Variants in CNTNAP2 observed in about 807,000 individuals in gnomAD.
CNTNAP2 encodes contactin-associated protein-like 2.
A neutral mutation model predicts 155.2 loss-of-function variants in CNTNAP2; 98 were observed. The ratio of observed to expected loss-of-function variants is 0.63; its 90% CI spans 0.54 to 0.75. The LOEUF is 0.75. CNTNAP2 is among the 30% of genes least tolerant of loss of function. The pLI, the probability that CNTNAP2 is intolerant of heterozygous loss-of-function variation, is 0.00. For synonymous variants in CNTNAP2, 651 were observed against 631.2 expected (o/e 1.03, Z -0.47); for missense variants, 1,727 against 1,688.1 (o/e 1.02, Z -0.40).
intron 2 of CNTNAP2, among the ~76,000 whole-genome samples, chr7:146,777,274 C>G (rs1249303845): frequency 6.6e-6 from 1 of 152,212 alleles, no homozygotes; most frequent in African/African-American, 2.4e-5. Flanking sequence ...TTTTTGGCTT[C>G]TAAAGACTGC....
At chr7:147,757,788 GTAAACAATCAAAAGC>G (rs1279405212) in intron 13 of CNTNAP2, among the ~76,000 whole-genome samples, 1 of 152,004 alleles carries the variant, frequency 6.6e-6, no homozygotes, top group Admixed American at 6.5e-5. Flanking sequence ...GTCACATATT[GTAAACAATCAAAAGC>G]TAACTTATGA....
At chr7:147,511,776 G>A (rs1263344312) in intron 11 of CNTNAP2, among the ~76,000 whole-genome samples, 1 of 152,054 alleles carries the variant, frequency 6.6e-6, no homozygotes, top group Non-Finnish European at 1.5e-5. Flanking sequence ...CACTATAGTA[G>A]CCACCAGAGA....
chr7:148,340,092 C>A (rs1201747480), intron 21 of CNTNAP2, among the ~76,000 whole-genome samples: 1 of 151,840 alleles, frequency 6.6e-6, no homozygotes, highest in African/African-American at 2.4e-5. Flanking sequence ...TCTTAATATT[C>A]TGGCATGCTA....
At chr7:146,631,798 C>G (rs1485129317) in intron 1 of CNTNAP2, among the ~76,000 whole-genome samples, 1 of 152,128 alleles carries the variant, frequency 6.6e-6, no homozygotes, top group African/African-American at 2.4e-5. Context: ...CTCTCACTTA[C>G]ATACAAACTC....
chr7:146,664,038 T>C (rs545681356), intron 1 of CNTNAP2, among the ~76,000 whole-genome samples: 1 of 152,262 alleles, frequency 6.6e-6, no homozygotes, highest in Admixed American at 6.5e-5. Flanking sequence ...AGTTCTTTTC[T>C]ATTACCAGTT....
chr7:147,501,280 T>C (rs117628449), intron 11 of CNTNAP2, among the ~76,000 whole-genome samples: 51 of 151,792 alleles, frequency 3.4e-4, no homozygotes, highest in African/African-American at 1.2e-3. Context: ...ATCATCATCC[T>C]CAATGGTGAA....
intron 2 of CNTNAP2, among the ~76,000 whole-genome samples, chr7:146,801,658 G>A (rs1396650088): frequency 1.3e-5 from 2 of 152,254 alleles, no homozygotes; most frequent in Admixed American, 6.5e-5. Context: ...AAGAACTGAG[G>A]CATGACACTC....
At chr7:147,756,449 CA>C (rs1416719961) in intron 13 of CNTNAP2, among the ~76,000 whole-genome samples, 1 of 152,118 alleles carries the variant, frequency 6.6e-6, no homozygotes, top group Non-Finnish European at 1.5e-5. Context: ...GTCACACAGA[CA>C]GTAGCAGAAA....
At chr7:147,531,129 C>T (rs558784227) in intron 11 of CNTNAP2, among the ~76,000 whole-genome samples, 13 of 152,284 alleles carry the variant, frequency 8.5e-5, no homozygotes, top group Non-Finnish European at 1.5e-4. Flanking sequence ...TATGGCTTTA[C>T]AGGGTACAGC....
chr7:148,047,346 C>T lies in CNTNAP2; in HGVS notation c.2383+69357C>T, dbSNP rs149881533. Among the ~76,000 whole-genome samples the T allele has an allele frequency of 4.8e-3, 732 of 152,260 alleles. 5 individuals carry two copies. Among genetic ancestry groups the T allele is most frequent in the African/African-American group, 0.017 (701 of 41,542 alleles). On this transcript the variant is annotated intron_variant, in intron 15 of 23. Coordinates refer to ENST00000361727, the MANE Select transcript of CNTNAP2 (RefSeq NM_014141.6). Reference sequence around the variant, plus strand: ...TTTTATGCATGTTTCTGCTTTAAGACATCTTACTTAACATATGTTTTTGAT... The same window carrying T: ...TTTTATGCATGTTTCTGCTTTAAGATATCTTACTTAACATATGTTTTTGAT...
intron 1 of CNTNAP2, among the ~76,000 whole-genome samples, chr7:146,171,398 G>A (rs879381123): frequency 5.9e-5 from 9 of 152,002 alleles, no homozygotes; most frequent in Non-Finnish European, 1.2e-4. Flanking sequence ...GCACCAAAAT[G>A]AATCACATAT....
intron 1 of CNTNAP2, among the ~76,000 whole-genome samples, chr7:146,151,691 T>C (rs1397053900): frequency 2.5e-5 from 1 of 39,304 alleles, no homozygotes; most frequent in Non-Finnish European, 5.0e-5. Context: ...TGTATATATA[T>C]ATATATGTAT....
chr7:147,515,609 C>T (rs1436528629), intron 11 of CNTNAP2, among the ~76,000 whole-genome samples: 1 of 152,162 alleles, frequency 6.6e-6, no homozygotes, highest in Non-Finnish European at 1.5e-5. Context: ...GCGTGAACCA[C>T]TGTATGCAGC....
chr7:147,316,802 G>C lies in CNTNAP2; in HGVS notation c.1498+16512G>C, dbSNP rs370803408. ...CAGCAGAAAGATGCTAAAAGATACTGTGGCAAGTCTATAAAATGGAGTATT... is the reference window on the plus strand; with the variant it reads ...CAGCAGAAAGATGCTAAAAGATACTCTGGCAAGTCTATAAAATGGAGTATT... On this transcript the variant is annotated intron_variant, in intron 9 of 23. Transcript: ENST00000361727. 2.6e-5 allele frequency among the ~76,000 whole-genome samples: 4 copies of C among 152,274 alleles called. No individual in the cohort carries two copies. The East Asian group carries it at 5.8e-4, about 22-fold the overall frequency.
In CNTNAP2 at chr7:147,973,827, T is replaced by C. The variant is rs577669959; in HGVS notation, c.2256-4035T>C. Among the ~76,000 whole-genome samples, 16 of 152,280 alleles carry C rather than the reference T, an allele frequency of 1.1e-4. No homozygotes were observed. The South Asian group carries it at 1.9e-3, about 18-fold the overall frequency. On this transcript the variant is annotated intron_variant, in intron 14 of 23. Transcript: ENST00000361727. ...TGTGAATCTGAATCCAGACTGCCAC[T>C]GGTAAACTTTGTCTAGCTAAATTCT...
chr7:146,543,977 G>A (rs1797991435), intron 1 of CNTNAP2, among the ~76,000 whole-genome samples: 1 of 151,868 alleles, frequency 6.6e-6, no homozygotes. Flanking sequence ...TGATTATGAA[G>A]TCTTCATTGG....
chr7:147,571,979 A>G (rs559108117), intron 12 of CNTNAP2, among the ~76,000 whole-genome samples: 1 of 152,310 alleles, frequency 6.6e-6, no homozygotes, highest in South Asian at 2.1e-4. Context: ...TGTCTTTGTT[A>G]TAAACCTTTG....
At chr7:146,841,334 C>CAGAG (rs759187869) in intron 3 of CNTNAP2, among the ~76,000 whole-genome samples, 1 of 131,790 alleles carries the variant, frequency 7.6e-6, no homozygotes, top group Non-Finnish European at 1.5e-5. Context: ...TAAAATTTGG[C>CAGAG]AGAGAGAGAG....
chr7:146,508,680 C>A (rs1054643402), intron 1 of CNTNAP2, among the ~76,000 whole-genome samples: 2 of 152,236 alleles, frequency 1.3e-5, no homozygotes, highest in African/African-American at 4.8e-5. Flanking sequence ...TATACCTTCA[C>A]CCATCTGCAA....
Sources: allele counts gnomAD v4.1 joint callset (sites outside exome capture counted in the v4.1 genomes callset), GRCh38; gene constraint gnomAD v4.1.1; transcripts MANE v1.5; gene names NCBI Gene and HGNC (gene_info 2026-07-23, HGNC 2026-07-21).